RYR1: variants seen among roughly 807,000 people sequenced by gnomAD.
The protein encoded by RYR1 is central core disease of muscle.
In RYR1, 342 loss-of-function variants were observed where a neutral mutation model predicts 583.5. The observed-to-expected ratio is 0.59, with a 90% CI of 0.54 to 0.64. RYR1 has a LOEUF of 0.64. Ranked by LOEUF, RYR1 falls within the 30% of genes least tolerant of loss-of-function variation. The pLI, the probability that RYR1 is intolerant of heterozygous loss-of-function variation, is 0.00. For missense variants in RYR1, 6,032 were observed against 6,917.2 expected (o/e 0.87, Z 4.54); for synonymous variants, 2,791 against 2,822.5 (o/e 0.99, Z 0.35).
intron 89 of RYR1, among the ~76,000 whole-genome samples, chr19:38,557,769 A>G (rs1222377075): frequency 6.6e-6 from 1 of 151,882 alleles, no homozygotes; most frequent in Non-Finnish European, 1.5e-5. Flanking sequence ...GCGTCATTGC[A>G]CTCCAGCCTG....
At chr19:38,553,517 G>A (rs138413671) in intron 89 of RYR1, among the ~76,000 whole-genome samples, 22 of 151,988 alleles carry the variant, frequency 1.4e-4, no homozygotes, top group Non-Finnish European at 3.1e-4. Context: ...GGATGTGGAG[G>A]TGTGCACCTG....
chr19:38,525,772 C>T (rs1447142072), intron 71 of RYR1, among the ~76,000 whole-genome samples: 4 of 151,920 alleles, frequency 2.6e-5, no homozygotes, highest in Admixed American at 6.6e-5. Context: ...CCCTGGGACC[C>T]GCATGAGGAC....
At position 38,499,354 on chromosome 19, in the gene RYR1, C is replaced by A; in HGVS notation, c.7027+111C>A. The A allele has an allele frequency of 3.9e-6, 6 of 1,550,774 alleles. No homozygotes were observed. The highest frequency in any genetic ancestry group is 8.9e-7 in the Non-Finnish European group (1 of 1,127,482). ...CCACAGATGGGGTCCAGGCAGGAAT[C>A]CCTTCCAGCAGGCCTGGGGCTGGCA... On this transcript the variant is annotated intron_variant, in intron 43 of 105. Transcript: ENST00000359596. This position sits in a 1 kb window ranked among gnomAD's most constrained non-coding sequence, Gnocchi z 7.3.
At position 38,490,307 on chromosome 19, in the gene RYR1, A is replaced by G. The variant is rs1350872603; in HGVS notation, c.6015+31A>G. On this transcript the variant is annotated intron_variant, in intron 36 of 105. Coordinates refer to ENST00000359596, the MANE Select transcript of RYR1 (RefSeq NM_000540.3). ...CTGACCCCTGACGCTGGCCACTTTT[A>G]CTGTCTAAACCCCAACCTCAACATC... is the stretch of plus-strand genomic sequence containing the variant. 6.3e-6 allele frequency: 10 copies of G among 1,596,516 alleles called. No individual in the cohort carries two copies. In the South Asian group the frequency reaches 1.0e-4, roughly 16 times the overall value.
intron 58 of RYR1, among the ~76,000 whole-genome samples, 174 bp from the exon 59 acceptor site, chr19:38,510,324 G>C (rs1442885584): frequency 6.6e-6 from 1 of 152,050 alleles, no homozygotes; most frequent in African/African-American, 2.4e-5. Flanking sequence ...AAGGAGTTGG[G>C]GGAATCAGAT....
At position 38,459,240 on chromosome 19, in the gene RYR1, C is replaced by T. The variant is rs1191343218; in HGVS notation, c.2262C>T (p.Ile754=). The T allele has an allele frequency of 1.9e-6, 3 of 1,614,044 alleles. No homozygotes were observed. The Admixed American group carries it at 5.0e-5, about 27-fold the overall frequency. ...GCCTGGACCTCAGCGTGCCGTCCAT[C>T]TCCTTCCGCATCAACGGCTGCCCCG... ...SCCLDLSVPS[I]SFRINGCPVQ... is the part of the protein sequence containing the mutation. Residue 754 remains isoleucine, a synonymous_variant, in exon 19 of 106, where the codon ATC becomes ATT. Transcript: ENST00000359596.
chr19:38,551,833 G>C (rs1254898625), intron 89 of RYR1, among the ~76,000 whole-genome samples: 1 of 152,058 alleles, frequency 6.6e-6, no homozygotes. Context: ...CACTGTGCCT[G>C]AGCCCTCCAC....
At chr19:38,516,684 T>G (rs2145679338) in intron 65 of RYR1, among the ~76,000 whole-genome samples, 1 of 152,232 alleles carries the variant, frequency 6.6e-6, no homozygotes, top group East Asian at 1.9e-4. Flanking sequence ...GAGGGGTATT[T>G]GAGCATAAGA....
chr19:38,459,922 A>G (rs987773908), intron 19 of RYR1, among the ~76,000 whole-genome samples: 1 of 152,024 alleles, frequency 6.6e-6, no homozygotes, highest in African/African-American at 2.4e-5. Context: ...AGACCCCCCA[A>G]TGATCCAGTC....
At chr19:38,532,322 C>T (rs1971773202) in intron 76 of RYR1, among the ~76,000 whole-genome samples, 168 bp from the exon 77 acceptor site, 1 of 152,042 alleles carries the variant, frequency 6.6e-6, no homozygotes, top group Admixed American at 6.6e-5. Context: ...GGGGTTTCAC[C>T]ATGTTGGCTA....
At chr19:38,455,024 G>C (rs1484602427) in intron 13 of RYR1, among the ~76,000 whole-genome samples, 2 of 152,118 alleles carry the variant, frequency 1.3e-5, no homozygotes, top group Non-Finnish European at 2.9e-5. Flanking sequence ...ATTGGGGATA[G>C]AGTCAGAGAG....
chr19:38,577,965 G>A lies in RYR1; in HGVS notation c.14220G>A (p.Glu4740=). 6.2e-7 allele frequency: 1 copy of A among 1,614,104 alleles called. No homozygotes were observed. The highest frequency in any genetic ancestry group is 2.2e-5 in the East Asian group (1 of 44,884). Residue 4740 remains glutamate (E), a synonymous_variant, in exon 98 of 106, where the codon GAG becomes GAA. Coordinates refer to ENST00000359596, the MANE Select transcript of RYR1 (RefSeq NM_000540.3). Reference sequence around the variant, plus strand: ...TCTACGGGCGGGAGCGGATTGCTGAGCTACTGGGCATGGACCTGGCCACAC... The same window carrying A: ...TCTACGGGCGGGAGCGGATTGCTGAACTACTGGGCATGGACCTGGCCACAC... ...GDIYGRERIA[E]LLGMDLATLE...
chr19:38,587,100 C>G (rs746524582), intron 105 of RYR1, among the ~76,000 whole-genome samples: 1 of 151,998 alleles, frequency 6.6e-6, no homozygotes, highest in Non-Finnish European at 1.5e-5. Flanking sequence ...GACCCTTTCT[C>G]TATTAAAAAA....
chr19:38,470,669 G>A (rs1333497271), intron 27 of RYR1, among the ~76,000 whole-genome samples: 1 of 151,998 alleles, frequency 6.6e-6, no homozygotes, highest in East Asian at 1.9e-4. Context: ...CTTGAACCCA[G>A]GAGGTGGAGG....
Position 38,515,109 on chromosome 19 carries a change from T to C in RYR1, c.9554+2T>C. ...CACCAAGAACACTTATGTGGAAAAG[T>C]AAGGAGAGGGAGCCATCGTTTGGGG... On this transcript the variant is annotated splice_donor_variant, in intron 64 of 105. Transcript: ENST00000359596. LOFTEE classifies it high-confidence loss of function. 1 of 1,587,774 alleles carries C rather than the reference T, an allele frequency of 6.3e-7. No individual in the cohort carries two copies. Among genetic ancestry groups the C allele is most frequent in the Non-Finnish European group, 8.6e-7 (1 of 1,165,280 alleles).
chr19:38,539,556 C>A (rs1972117536), intron 84 of RYR1, among the ~76,000 whole-genome samples: 1 of 152,014 alleles, frequency 6.6e-6, no homozygotes, highest in African/African-American at 2.4e-5. Context: ...GATTTTCATT[C>A]TTTAATTTTA....
At chr19:38,528,850 G>A (rs1971603458) in intron 75 of RYR1, 101 bp from the exon 76 acceptor site, 1 of 1,466,082 alleles carries the variant, frequency 6.8e-7, no homozygotes, top group Non-Finnish European at 9.5e-7. Context: ...GGCGCAGGAT[G>A]TGGGAAAAGA....
In RYR1 at chr19:38,476,622, C is replaced by T. The variant is rs903192669; in HGVS notation, c.4294-1088C>T. 3.9e-5 allele frequency among the ~76,000 whole-genome samples: 6 copies of T among 152,092 alleles called. No individual in the cohort carries two copies. The East Asian group carries it at 5.8e-4, about 15-fold the overall frequency. On this transcript the variant is annotated intron_variant, in intron 29 of 105. Transcript: ENST00000359596. ...TACTGGGATTACAGGTGTGAGCCAC[C>T]GCGTTCGGCTGTAGATTCTTACAAG...
At chr19:38,538,315 G>A (rs1026448029) in intron 84 of RYR1, among the ~76,000 whole-genome samples, 3 of 152,112 alleles carry the variant, frequency 2.0e-5, no homozygotes, top group African/African-American at 7.2e-5. Context: ...CAGGAGAATC[G>A]CTTGAACCCA....
Sources: gnomAD v4.1 joint callset for allele counts (sites outside exome capture counted in the v4.1 genomes callset) on GRCh38, gnomAD v4.1.1 for gene constraint, Gnocchi (gnomAD v3.1) non-coding constraint, MANE v1.5 for transcripts, NCBI Gene and HGNC (gene_info 2026-07-23, HGNC 2026-07-21) for gene names.